TSPAN5: variants seen among roughly 807,000 people sequenced by gnomAD.
The protein encoded by TSPAN5 is tetraspanin 5.
TSPAN5 carries 10 observed loss-of-function variants against 37.1 expected under a neutral mutation model. The ratio of observed to expected loss-of-function variants is 0.27; its 90% confidence interval spans 0.17 to 0.46. The LOEUF is 0.46. TSPAN5 is among the 20% of genes least tolerant of loss of function. The pLI is 1.00. For synonymous variants in TSPAN5, 110 were observed against 118.9 expected (o/e 0.93, Z 0.48); for missense variants, 195 against 326.6 (o/e 0.60, Z 3.11).
At chr4:98,651,863 ACTTT>A (rs1757193787) in intron 1 of TSPAN5, among the ~76,000 whole-genome samples, 1 of 115,352 alleles carries the variant, frequency 8.7e-6, no homozygotes, top group African/African-American at 3.4e-5. Context: ...CCTTCAACAT[ACTTT>A]TTTTTTTTTT....
chr4:98,507,043 T>C (rs549638108), intron 2 of TSPAN5, among the ~76,000 whole-genome samples: 54 of 152,306 alleles, frequency 3.5e-4, no homozygotes, highest in Admixed American at 3.0e-3. Context: ...CCCAGAACAT[T>C]GTATCTTCAC....
chr4:98,584,109 A>G (rs991944913), intron 1 of TSPAN5, among the ~76,000 whole-genome samples: 1 of 152,096 alleles, frequency 6.6e-6, no homozygotes, highest in Non-Finnish European at 1.5e-5. Flanking sequence ...GAGAGCTTCC[A>G]AATTATTTTT....
intron 1 of TSPAN5, among the ~76,000 whole-genome samples, chr4:98,608,419 A>G (rs1015495052): frequency 1.4e-4 from 21 of 152,194 alleles, no homozygotes; most frequent in African/African-American, 4.8e-4. Context: ...CAGGTAAAAT[A>G]AGTCTCCACT....
intron 1 of TSPAN5, among the ~76,000 whole-genome samples, chr4:98,569,999 G>C (rs1304123530): frequency 6.6e-6 from 1 of 152,148 alleles, no homozygotes; most frequent in Non-Finnish European, 1.5e-5. Flanking sequence ...AATATAGTAG[G>C]TTCTATGATG....
chr4:98,643,169 G>A (rs1756993716), intron 1 of TSPAN5, among the ~76,000 whole-genome samples: 1 of 152,008 alleles, frequency 6.6e-6, no homozygotes, highest in African/African-American at 2.4e-5. Flanking sequence ...TATTTTTACT[G>A]TACCTTGTGT....
chr4:98,612,447 T>G (rs1756220234), intron 1 of TSPAN5, among the ~76,000 whole-genome samples: 1 of 152,196 alleles, frequency 6.6e-6, no homozygotes, highest in Non-Finnish European at 1.5e-5. Context: ...TTGCTTAAAC[T>G]AATCTTTCAG....
chr4:98,585,586 A>G (rs941764598), intron 1 of TSPAN5, among the ~76,000 whole-genome samples: 4 of 152,230 alleles, frequency 2.6e-5, no homozygotes, highest in African/African-American at 9.6e-5. Flanking sequence ...CTGAGATTAA[A>G]GGCGTGAGCC....
chr4:98,575,771 CA>C (rs35433252), intron 1 of TSPAN5, among the ~76,000 whole-genome samples: 90,746 of 141,678 alleles, frequency 0.64, 29,271 homozygotes, highest in African/African-American at 0.78. Flanking sequence ...CCCCACCCCA[CA>C]AAAAAAAAAA....
intron 1 of TSPAN5, among the ~76,000 whole-genome samples, chr4:98,618,921 T>C (rs1756411668): frequency 6.6e-6 from 1 of 152,194 alleles, no homozygotes; most frequent in South Asian, 2.1e-4. Context: ...AATCGTGTGC[T>C]AGGCAAGGCT....
At chr4:98,561,317 A>C (rs1430457620) in intron 1 of TSPAN5, among the ~76,000 whole-genome samples, 4 of 152,264 alleles carry the variant, frequency 2.6e-5, no homozygotes, top group African/African-American at 9.6e-5. Context: ...TGGGAGGCCA[A>C]GGTGGGCGGA....
intron 1 of TSPAN5, chr4:98,509,686 C>G (rs1354897073): frequency 6.6e-6 from 1 of 152,180 alleles, no homozygotes; most frequent in Non-Finnish European, 1.5e-5. Context: ...GGTCAGAGAG[C>G]TATTTCATTT....
intron 1 of TSPAN5, among the ~76,000 whole-genome samples, chr4:98,525,079 A>C (rs1023115366): frequency 6.6e-6 from 1 of 152,196 alleles, no homozygotes; most frequent in Non-Finnish European, 1.5e-5. Flanking sequence ...TTAAAAGGGA[A>C]AGAAACAGCT....
chr4:98,588,161 C>T (rs1439491455), intron 1 of TSPAN5, among the ~76,000 whole-genome samples: 1 of 151,910 alleles, frequency 6.6e-6, no homozygotes. Context: ...GGTTGTGTCT[C>T]GGAAAGTTAA....
chr4:98,542,466 A>G (rs1264906544), intron 1 of TSPAN5, among the ~76,000 whole-genome samples: 2 of 152,018 alleles, frequency 1.3e-5, no homozygotes, highest in Non-Finnish European at 2.9e-5. Context: ...CTGTCATCCC[A>G]GCACTTTGGG....
At chr4:98,533,750 C>G (rs1754160007) in intron 1 of TSPAN5, among the ~76,000 whole-genome samples, 3 of 148,628 alleles carry the variant, frequency 2.0e-5, no homozygotes, top group Admixed American at 6.7e-5. Context: ...CAGGGTTTCA[C>G]CATGTTAGCC....
intron 1 of TSPAN5, among the ~76,000 whole-genome samples, chr4:98,528,220 T>C (rs1420298160): frequency 6.6e-6 from 1 of 152,182 alleles, no homozygotes; most frequent in Non-Finnish European, 1.5e-5. Flanking sequence ...TGGACTAATA[T>C]ATGAACTCTC....
At position 98,657,269 on chromosome 4, in the gene TSPAN5, T is replaced by C. The variant is rs559651589; in HGVS notation, c.81+877A>G. 2.6e-5 allele frequency among the ~76,000 whole-genome samples: 4 copies of C among 152,202 alleles called. No individual in the cohort carries two copies. In the South Asian group the frequency reaches 6.2e-4, roughly 24 times the overall value. On this transcript the variant is annotated intron_variant, in intron 1 of 7. Coordinates refer to ENST00000305798, the MANE Select transcript of TSPAN5 (RefSeq NM_005723.4). ...CTAATTACAATAGGTTCCCAACACA[T>C]TGCAGTCCCAAGCAGAGCATCATTT... is the stretch of plus-strand genomic sequence containing the variant.
At chr4:98,525,702 A>G (rs1048895084) in intron 1 of TSPAN5, among the ~76,000 whole-genome samples, 10 of 152,106 alleles carry the variant, frequency 6.6e-5, no homozygotes, top group African/African-American at 2.4e-4. Context: ...ATTTATTTCA[A>G]TGTTTAATAT....
intron 1 of TSPAN5, among the ~76,000 whole-genome samples, chr4:98,541,089 T>C (rs1754346279): frequency 6.6e-6 from 1 of 152,184 alleles, no homozygotes; most frequent in South Asian, 2.1e-4. Context: ...TCAACTTCCT[T>C]ACCCATAAAA....
Sources: gnomAD v4.1 joint callset for allele counts (sites outside exome capture counted in the v4.1 genomes callset) on GRCh38, gnomAD v4.1.1 for gene constraint, MANE v1.5 for transcripts, NCBI Gene and HGNC (gene_info 2026-07-23, HGNC 2026-07-21) for gene names.